The following FRMD3 variants were observed in gnomAD, a reference collection of about 807,000 sequenced individuals.
FRMD3 encodes the protein FERM domain containing 3.
FRMD3 carries 33 observed loss-of-function variants against 70.2 expected under a neutral mutation model. The ratio of observed to expected loss-of-function variants is 0.47; its 90% CI spans 0.36 to 0.63. FRMD3 has a LOEUF of 0.63. Ranked by LOEUF, FRMD3 falls within the 20% of genes least tolerant of loss-of-function variation. The pLI is 0.00. For missense variants in FRMD3, 632 were observed against 711.4 expected (o/e 0.89, Z 1.27); for synonymous variants, 279 against 255.9 (o/e 1.09, Z -0.86).
chr9:83,456,214 T>C (rs1827811874), intron 1 of FRMD3, among the ~76,000 whole-genome samples: 1 of 152,204 alleles, frequency 6.6e-6, no homozygotes, highest in Non-Finnish European at 1.5e-5. Flanking sequence ...GATAGTATAG[T>C]TTATAGACCT....
chr9:83,508,561 C>T (rs987174953), intron 1 of FRMD3, among the ~76,000 whole-genome samples: 2 of 152,192 alleles, frequency 1.3e-5, no homozygotes, highest in African/African-American at 4.8e-5. Context: ...TCCTTCTACT[C>T]TGTTTAATGC....
chr9:83,403,727 G>A (rs1826020178), intron 1 of FRMD3, among the ~76,000 whole-genome samples: 3 of 152,094 alleles, frequency 2.0e-5, no homozygotes, highest in Admixed American at 1.3e-4. Context: ...CTATAAATGA[G>A]GGCCTGTGCT....
intron 6 of FRMD3, among the ~76,000 whole-genome samples, chr9:83,318,305 G>A (rs1417117295): frequency 2.0e-5 from 3 of 151,940 alleles, no homozygotes; most frequent in South Asian, 2.1e-4. Flanking sequence ...ATGCCCATGC[G>A]TCTTCATTGT....
At chr9:83,405,836 G>A (rs1288377685) in intron 1 of FRMD3, among the ~76,000 whole-genome samples, 1 of 152,074 alleles carries the variant, frequency 6.6e-6, no homozygotes, top group Non-Finnish European at 1.5e-5. Flanking sequence ...GACCAGAGCT[G>A]GCAGAGGTTT....
intron 1 of FRMD3, among the ~76,000 whole-genome samples, chr9:83,426,083 C>G (rs549144834): frequency 6.6e-6 from 1 of 152,052 alleles, no homozygotes; most frequent in Non-Finnish European, 1.5e-5. Flanking sequence ...ATTTTAAACC[C>G]GCTAATGTTG....
intron 1 of FRMD3, among the ~76,000 whole-genome samples, chr9:83,514,874 T>C (rs1212726411): frequency 6.6e-6 from 1 of 152,152 alleles, no homozygotes; most frequent in Non-Finnish European, 1.5e-5. Flanking sequence ...AAGAGAGGCA[T>C]GACTGTTAGA....
At chr9:83,492,863 A>G (rs1389312813) in intron 1 of FRMD3, among the ~76,000 whole-genome samples, 1 of 152,166 alleles carries the variant, frequency 6.6e-6, no homozygotes, top group Admixed American at 6.5e-5. Context: ...AAATTCGTCA[A>G]GCTCGTCCTC....
At chr9:83,291,794 A>G (rs1428929447) in intron 12 of FRMD3, among the ~76,000 whole-genome samples, 1 of 152,202 alleles carries the variant, frequency 6.6e-6, no homozygotes, top group Non-Finnish European at 1.5e-5. Context: ...ACCAAATGCA[A>G]TCCTGGCTTG....
intron 1 of FRMD3, among the ~76,000 whole-genome samples, chr9:83,457,926 G>A (rs1827865966): frequency 7.1e-6 from 1 of 141,578 alleles, no homozygotes; most frequent in Admixed American, 7.6e-5. Flanking sequence ...TATTCCTCAA[G>A]TATACCTCAA....
intron 6 of FRMD3, among the ~76,000 whole-genome samples, chr9:83,318,925 T>G (rs1209105582): frequency 6.6e-6 from 1 of 152,204 alleles, no homozygotes; most frequent in African/African-American, 2.4e-5. Flanking sequence ...TTTTCATGTT[T>G]CTTGGCCACT....
At chr9:83,485,246 A>G (rs572037427) in intron 1 of FRMD3, among the ~76,000 whole-genome samples, 18 of 152,322 alleles carry the variant, frequency 1.2e-4, no homozygotes, top group Non-Finnish European at 2.6e-4. Context: ...CTGATGTTGA[A>G]ATGCCCTTCA....
intron 1 of FRMD3, among the ~76,000 whole-genome samples, chr9:83,414,462 A>G (rs1487046711): frequency 1.3e-5 from 2 of 152,000 alleles, no homozygotes; most frequent in Non-Finnish European, 2.9e-5. Context: ...AGCACTAACT[A>G]TATAAGAAAA....
At chr9:83,289,049 C>T (rs1834320401) in intron 13 of FRMD3, among the ~76,000 whole-genome samples, 1 of 152,154 alleles carries the variant, frequency 6.6e-6, no homozygotes, top group African/African-American at 2.4e-5. Context: ...CTCTATTAGC[C>T]ACACCCTCCT....
chr9:83,463,725 C>T (rs1257051533), intron 1 of FRMD3, among the ~76,000 whole-genome samples: 1 of 152,174 alleles, frequency 6.6e-6, no homozygotes, highest in African/African-American at 2.4e-5. Context: ...GCTCTGCCCA[C>T]CCCACATTCA....
chr9:83,291,650 G>T (rs1406672518), intron 12 of FRMD3, among the ~76,000 whole-genome samples: 1 of 151,398 alleles, frequency 6.6e-6, no homozygotes, highest in East Asian at 1.9e-4. Flanking sequence ...TTTCACCTCT[G>T]TCTCTGTCTA....
intron 1 of FRMD3, among the ~76,000 whole-genome samples, chr9:83,492,135 T>C (rs985504316): frequency 1.3e-4 from 20 of 152,192 alleles, no homozygotes; most frequent in African/African-American, 4.3e-4. Flanking sequence ...TGTCATGCCA[T>C]AGGTCATTCC....
chr9:83,274,032 G>A (rs1833710065), intron 13 of FRMD3, among the ~76,000 whole-genome samples: 1 of 152,046 alleles, frequency 6.6e-6, no homozygotes, highest in Non-Finnish European at 1.5e-5. Context: ...GGTTTCTCAG[G>A]CTGGTCTTGA....
chr9:83,379,230 C>A (rs1469918302), intron 2 of FRMD3, among the ~76,000 whole-genome samples: 1 of 152,014 alleles, frequency 6.6e-6, no homozygotes, highest in East Asian at 1.9e-4. Context: ...TGGACTACAC[C>A]AATAACTCCT....
intron 7 of FRMD3, among the ~76,000 whole-genome samples, chr9:83,313,369 G>A (rs1835436288): frequency 2.0e-5 from 3 of 152,100 alleles, no homozygotes. Flanking sequence ...AATGTGTCAG[G>A]AGCCTGTAAC....
Sources: allele counts gnomAD v4.1 joint callset (sites outside exome capture counted in the v4.1 genomes callset), GRCh38; gene constraint gnomAD v4.1.1; transcripts MANE v1.5; gene names NCBI Gene and HGNC (gene_info 2026-07-23, HGNC 2026-07-21).